EDA2R: variants seen among roughly 807,000 people sequenced by gnomAD.
EDA2R encodes tumor necrosis factor receptor superfamily member 27.
A neutral mutation model predicts 20.1 loss-of-function variants in EDA2R; 26 were observed. The ratio of observed to expected loss-of-function variants is 1.30; its 90% CI spans 0.95 to 1.80. EDA2R has a LOEUF of 1.80. Ranked by LOEUF, EDA2R falls within the 40% of genes most tolerant of loss-of-function variation. The probability of loss-of-function intolerance (pLI) is 0.00; values close to 1 mark genes in which losing one functional copy is unlikely to be tolerated. For synonymous variants in EDA2R, 114 were observed against 88.7 expected (o/e 1.29, Z -1.60); for missense variants, 277 against 228.7 (o/e 1.21, Z -1.36).
chrX:66,603,125 T>C (rs1477255682), intron 4 of EDA2R, among the ~76,000 whole-genome samples: 1 of 111,407 alleles, frequency 9.0e-6, no homozygotes, highest in African/African-American at 3.3e-5. Flanking sequence ...GATAAACAAA[T>C]CATGATATAA....
rs1171489683 is a variant in EDA2R at position 66,597,801 on chromosome X, C to T, written c.*303G>A. On this transcript the variant is annotated 3_prime_UTR_variant, in exon 7 of 7. Coordinates refer to ENST00000374719, the MANE Select transcript of EDA2R (RefSeq NM_021783.5). ...AAAATGCAGACATGAAAACCCTACC[C>T]CATTCACTGTCCTCTCTCCTCTTCT... 6.9e-6 allele frequency: 1 copy of T among 145,404 alleles called. No homozygotes were observed. The highest frequency in any genetic ancestry group is 3.1e-5 in the African/African-American group (1 of 31,818). The allele number at this position is 145,404 out of a possible 1,213,427, so 12.0% of individuals were successfully genotyped here. A position where few individuals can be genotyped will look rare whatever the true frequency, so the allele number is the denominator to read the frequency against.
intron 1 of EDA2R, among the ~76,000 whole-genome samples, chrX:66,617,697 T>C (rs376133241): frequency 9.0e-5 from 10 of 110,873 alleles, no homozygotes; most frequent in African/African-American, 3.3e-4. Flanking sequence ...TTTCTAGAGC[T>C]CCACCCCCCT....
At chrX:66,637,967 G>A (rs934699843) in intron 1 of EDA2R, among the ~76,000 whole-genome samples, 2 of 111,725 alleles carry the variant, frequency 1.8e-5, no homozygotes, top group African/African-American at 3.3e-5. Context: ...CCTGAAAGGC[G>A]TTACAATTTC....
chrX:66,620,061 T>C (rs1005185487), intron 1 of EDA2R, among the ~76,000 whole-genome samples: 4 of 111,645 alleles, frequency 3.6e-5, no homozygotes, highest in Admixed American at 1.9e-4. Flanking sequence ...CAATTAGTTA[T>C]ACCTGTCCTT....
At chrX:66,601,185 A>G (rs1180446769) in intron 5 of EDA2R, among the ~76,000 whole-genome samples, 3 of 112,197 alleles carry the variant, frequency 2.7e-5, no homozygotes, top group Non-Finnish European at 5.6e-5. Flanking sequence ...GGATAGAAGG[A>G]GAGCAGAAAA....
chrX:66,629,715 C>T (rs1212535515), intron 1 of EDA2R, among the ~76,000 whole-genome samples: 1 of 111,634 alleles, frequency 9.0e-6, no homozygotes, highest in African/African-American at 3.3e-5. Context: ...ATGGAAACAT[C>T]CCATGCTCAT....
chrX:66,630,947 G>A (rs150248639), intron 1 of EDA2R, among the ~76,000 whole-genome samples: 11 of 107,092 alleles, frequency 1.0e-4, no homozygotes, highest in African/African-American at 3.1e-4. Context: ...ATATATACAC[G>A]TATGTGTGTA....
chrX:66,618,746 T>C (rs764657081), intron 1 of EDA2R, among the ~76,000 whole-genome samples: 9 of 112,178 alleles, frequency 8.0e-5, no homozygotes, highest in Admixed American at 1.9e-4. Context: ...GCAACATAGA[T>C]CATTTCTCTT....
Position 66,639,002 on chromosome X carries a change from C to T in EDA2R, c.-18G>A, listed in dbSNP as rs1349047103. ...GGGTGTTCCCACACTCACCCGGTAACGGACGAGTAGATGGCTCTTGCTCCC... is the reference window on the plus strand; with the variant it reads ...GGGTGTTCCCACACTCACCCGGTAATGGACGAGTAGATGGCTCTTGCTCCC... On this transcript the variant is annotated 5_prime_UTR_variant, in exon 1 of 7. Transcript: ENST00000374719. 9.1e-6 allele frequency: 1 copy of T among 110,359 alleles called. No individual in the cohort carries two copies. Among genetic ancestry groups the T allele is most frequent in the Non-Finnish European group, 1.9e-5 (1 of 52,777 alleles). 9.1% of individuals were successfully genotyped at this position (110,359 alleles called of 1,213,427 possible).
intron 1 of EDA2R, among the ~76,000 whole-genome samples, chrX:66,638,301 C>A (rs1416129437): frequency 9.0e-6 from 1 of 111,510 alleles, no homozygotes; most frequent in Non-Finnish European, 1.9e-5. Flanking sequence ...CCCCAGCCAC[C>A]CAGCATGACA....
intron 1 of EDA2R, among the ~76,000 whole-genome samples, chrX:66,621,792 G>T (rs1296572140): frequency 8.9e-6 from 1 of 111,929 alleles, no homozygotes; most frequent in Non-Finnish European, 1.9e-5. Flanking sequence ...TCTTTCTAGG[G>T]TCATGAAAAT....
At chrX:66,608,377 A>T (rs906076302) in intron 2 of EDA2R, among the ~76,000 whole-genome samples, 8 of 111,559 alleles carry the variant, frequency 7.2e-5, no homozygotes, top group African/African-American at 2.6e-4. Flanking sequence ...AAACATAAAG[A>T]GACCTATGCT....
Position 66,597,944 on chromosome X carries a change from T to A in EDA2R, c.*160A>T, listed in dbSNP as rs1239620688. On this transcript the variant is annotated 3_prime_UTR_variant, in exon 7 of 7. Transcript: ENST00000374719. ...AGATCAGTCCTTGTGAAATGGAGAA[T>A]CAATCCTCTGGTGGGATGGGATAGG... 9 of 725,444 alleles carry A rather than the reference T, an allele frequency of 1.2e-5. No individual in the cohort carries two copies. In the Admixed American group the frequency reaches 2.6e-4, roughly 21 times the overall value. The allele number at this position is 725,444 out of a possible 1,213,427, so 59.8% of individuals were successfully genotyped here.
intron 2 of EDA2R, among the ~76,000 whole-genome samples, chrX:66,609,374 G>T (rs1313731347): frequency 2.7e-5 from 3 of 111,644 alleles, no homozygotes; most frequent in Admixed American, 9.5e-5. Flanking sequence ...TGCCCACTCA[G>T]GCTTTACTCA....
intron 1 of EDA2R, among the ~76,000 whole-genome samples, chrX:66,619,961 T>A (rs1425299903): frequency 9.0e-6 from 1 of 111,357 alleles, no homozygotes; most frequent in Non-Finnish European, 1.9e-5. Flanking sequence ...TACACAGAAC[T>A]TTTCTATTAC....
chrX:66,626,356 T>C (rs897154224), intron 1 of EDA2R, among the ~76,000 whole-genome samples: 1 of 111,887 alleles, frequency 8.9e-6, no homozygotes, highest in Non-Finnish European at 1.9e-5. Context: ...GACAAACTTT[T>C]AGAAATGCAA....
intron 1 of EDA2R, among the ~76,000 whole-genome samples, chrX:66,624,108 C>A (rs1488541568): frequency 1.8e-5 from 2 of 112,324 alleles, no homozygotes; most frequent in African/African-American, 3.2e-5. Flanking sequence ...CTACAGAATA[C>A]TGGGAATACT....
intron 1 of EDA2R, among the ~76,000 whole-genome samples, chrX:66,625,824 G>C (rs1933014601): frequency 8.9e-6 from 1 of 112,057 alleles, no homozygotes; most frequent in Non-Finnish European, 1.9e-5. Flanking sequence ...ACCAATAGAT[G>C]GTTCACATCA....
At position 66,596,687 on chromosome X, in the gene EDA2R, A is replaced by C. The variant is rs1927499602; in HGVS notation, c.*1417T>G. The C allele has an allele frequency of 9.0e-6, 1 of 111,320 alleles. No homozygotes were observed. Among genetic ancestry groups the C allele is most frequent in the Non-Finnish European group, 1.9e-5 (1 of 53,116 alleles). The allele number at this position is 111,320 out of a possible 1,213,427, so 9.2% of individuals were successfully genotyped here. ...TCTGGATATTATTTCTTCTACCAGA[A>C]GGTCTAAACATGATCAGTGAAAGCC... On this transcript the variant is annotated 3_prime_UTR_variant, in exon 7 of 7. Coordinates refer to ENST00000374719, the MANE Select transcript of EDA2R (RefSeq NM_021783.5).
Sources: allele counts gnomAD v4.1 joint callset (sites outside exome capture counted in the v4.1 genomes callset), GRCh38; gene constraint gnomAD v4.1.1; transcripts MANE v1.5; gene names NCBI Gene and HGNC (gene_info 2026-07-23, HGNC 2026-07-21).